The following TNFRSF10D variants were observed in gnomAD, a reference collection of about 807,000 sequenced individuals.
TNFRSF10D encodes the protein tumor necrosis factor receptor superfamily member 10D.
In TNFRSF10D, 28 loss-of-function variants were observed where a neutral mutation model predicts 42.1. The ratio of observed to expected loss-of-function variants is 0.66; its 90% CI spans 0.49 to 0.91. TNFRSF10D has a LOEUF of 0.91. TNFRSF10D is among the 40% of genes least tolerant of loss of function. The pLI is 0.00. For synonymous variants in TNFRSF10D, 186 were observed against 189.4 expected (o/e 0.98, Z 0.15); for missense variants, 503 against 486.1 (o/e 1.03, Z -0.33).
chr8:23,153,834 T>C (rs1800238884), intron 2 of TNFRSF10D, among the ~76,000 whole-genome samples: 1 of 152,046 alleles, frequency 6.6e-6, no homozygotes, highest in South Asian at 2.1e-4. Context: ...AAACAAAACA[T>C]AGAATAACTA....
At chr8:23,155,598 A>G (rs1232376696) in intron 1 of TNFRSF10D, among the ~76,000 whole-genome samples, 1 of 152,038 alleles carries the variant, frequency 6.6e-6, no homozygotes, top group Non-Finnish European at 1.5e-5. Flanking sequence ...GGGCACCTGT[A>G]ACCCCAGCTA....
rs549132054 is a variant in TNFRSF10D, at chr8:23,155,041, G to A, written c.151-62C>T. On this transcript the variant is annotated intron_variant, in intron 1 of 8. Coordinates refer to ENST00000312584, the MANE Select transcript of TNFRSF10D (RefSeq NM_003840.5). ...CCAGACCTTACCTCTCCCAGGCTCC[G>A]TCTCACATTCCCTTCACCCCAAGTG... The A allele has an allele frequency of 1.1e-4, 148 of 1,288,914 alleles. No individual in the cohort carries two copies. The African/African-American group carries it at 1.2e-3, about 11-fold the overall frequency. 79.8% of individuals were successfully genotyped at this position (1,288,914 alleles called of 1,614,324 possible).
At chr8:23,155,989 G>A (rs114176738) in intron 1 of TNFRSF10D, among the ~76,000 whole-genome samples, 887 of 152,034 alleles carry the variant, frequency 5.8e-3, no homozygotes, top group African/African-American at 0.018. Flanking sequence ...ATATCAAAGA[G>A]TGACAGAAAA....
At position 23,144,620 on chromosome 8, in the gene TNFRSF10D, G is replaced by T; in HGVS notation, c.784C>A (p.Arg262Ser). Reference sequence around the variant, plus strand: ...CCAGGAACTCGTGAAGGACATGAACGCCGCCGGAAAAGGACCTTGGGAAGA... The same window carrying T: ...CCAGGAACTCGTGAAGGACATGAACTCCGCCGGAAAAGGACCTTGGGAAGA... ...ERVHRVLFRRRSCPSRVPGAE... is the reference protein window; with the variant it reads ...ERVHRVLFRRSSCPSRVPGAE... Residue 262 changes from arginine (R) to serine (S), a missense_variant, in exon 7 of 9, where the codon CGT (arginine) becomes AGT (serine). Arg to Ser is a moderately radical substitution (Grantham distance 110). Transcript: ENST00000312584. 2 of 1,613,724 alleles carry T rather than the reference G, an allele frequency of 1.2e-6. No individual in the cohort carries two copies. Among genetic ancestry groups the T allele is most frequent in the Non-Finnish European group, 8.5e-7 (1 of 1,179,778 alleles).
chr8:23,145,011 A>T (rs1433878615), intron 6 of TNFRSF10D, 47 bp downstream of exon 6: 1 of 1,613,786 alleles, frequency 6.2e-7, no homozygotes, highest in Non-Finnish European at 8.5e-7. Flanking sequence ...GATGGGAAGC[A>T]GTTCCTGAAC....
Position 23,137,820 on chromosome 8 carries a change from G to T in TNFRSF10D, c.*50C>A, listed in dbSNP as rs1814361741. On this transcript the variant is annotated 3_prime_UTR_variant, in exon 9 of 9. Coordinates refer to ENST00000312584, the MANE Select transcript of TNFRSF10D (RefSeq NM_003840.5). ...TGTTTCTTCCAGGCTGCTTCCCTTT[G>T]TAGGAGAAAAGGTAAATGAGGGAAG... The T allele has an allele frequency of 6.3e-7, 1 of 1,580,854 alleles. No homozygotes were observed. Among genetic ancestry groups the T allele is most frequent in the African/African-American group, 1.4e-5 (1 of 73,684 alleles).
At chr8:23,141,094 C>T (rs1268537167) in intron 7 of TNFRSF10D, among the ~76,000 whole-genome samples, 2 of 152,204 alleles carry the variant, frequency 1.3e-5, no homozygotes, top group African/African-American at 4.8e-5. Flanking sequence ...AGAAAACACC[C>T]CTCTGGACAT....
At chr8:23,158,145 TC>T (rs527358419) in intron 1 of TNFRSF10D, among the ~76,000 whole-genome samples, 81 of 150,416 alleles carry the variant, frequency 5.4e-4, no homozygotes, top group African/African-American at 1.9e-3. Flanking sequence ...TTCCGTTCCT[TC>T]CTTTCCTTCC....
intron 1 of TNFRSF10D, among the ~76,000 whole-genome samples, chr8:23,162,910 A>C (rs1218330397): frequency 6.6e-6 from 1 of 151,306 alleles, no homozygotes; most frequent in Non-Finnish European, 1.5e-5. Flanking sequence ...CATAGGGTTA[A>C]TTTTGTTTGT....
At chr8:23,142,049 A>T (rs1285099191) in intron 7 of TNFRSF10D, among the ~76,000 whole-genome samples, 1 of 152,190 alleles carries the variant, frequency 6.6e-6, no homozygotes, top group Non-Finnish European at 1.5e-5. Context: ...AGGTGGATGG[A>T]TCACGAGGTC....
chr8:23,153,484 A>C (rs1485102149), intron 2 of TNFRSF10D, among the ~76,000 whole-genome samples: 1 of 152,242 alleles, frequency 6.6e-6, no homozygotes, highest in Non-Finnish European at 1.5e-5. Context: ...TTTGGTTAAC[A>C]TCCAAAATAC....
chr8:23,148,972 C>T (rs560774505), intron 2 of TNFRSF10D, among the ~76,000 whole-genome samples: 8 of 151,624 alleles, frequency 5.3e-5, no homozygotes, highest in East Asian at 3.9e-4. Context: ...GGACGAATCA[C>T]GAGGTCAGGA....
chr8:23,144,886 G>A (rs1800092191), intron 6 of TNFRSF10D, among the ~76,000 whole-genome samples, 172 bp downstream of exon 6: 1 of 152,184 alleles, frequency 6.6e-6, no homozygotes, highest in South Asian at 2.1e-4. Context: ...GCTGGTCTGT[G>A]TGCTGCTCAA....
intron 7 of TNFRSF10D, among the ~76,000 whole-genome samples, chr8:23,142,310 A>G (rs867192012): frequency 4.6e-5 from 7 of 152,032 alleles, no homozygotes; most frequent in Non-Finnish European, 8.8e-5. Flanking sequence ...ACCAAAAGAC[A>G]CCACTATCCA....
intron 1 of TNFRSF10D, among the ~76,000 whole-genome samples, chr8:23,159,437 G>A (rs1000636931): frequency 2.0e-5 from 3 of 152,212 alleles, no homozygotes; most frequent in Admixed American, 6.5e-5. Context: ...TGCAGACCTT[G>A]TTAGAACAGA....
chr8:23,159,827 C>T (rs1006343452), intron 1 of TNFRSF10D, among the ~76,000 whole-genome samples: 2 of 152,096 alleles, frequency 1.3e-5, no homozygotes, highest in African/African-American at 4.8e-5. Flanking sequence ...TGCACCACTG[C>T]ACTCCAGCCT....
In TNFRSF10D at chr8:23,144,520, A is replaced by G. The variant is rs1800082533; in HGVS notation, c.884T>C (p.Ile295Thr). 1 of 1,613,968 alleles carries G rather than the reference A, an allele frequency of 6.2e-7. No homozygotes were observed. ...TAGCTCTGCCAGCTCCTGACCTTGGATTTCCTGCTCAGAGACCTGGGTGGG... is the reference window on the plus strand; with the variant it reads ...TAGCTCTGCCAGCTCCTGACCTTGGGTTTCCTGCTCAGAGACCTGGGTGGG... ...LQPTQVSEQE[I>T]QGQELAELTG... Residue 295 changes from isoleucine (I) to threonine (T), a missense_variant, in exon 7 of 9, where the codon ATC (isoleucine) becomes ACC (threonine). Coordinates refer to ENST00000312584, the MANE Select transcript of TNFRSF10D (RefSeq NM_003840.5).
intron 7 of TNFRSF10D, among the ~76,000 whole-genome samples, chr8:23,139,435 A>G (rs559694605): frequency 6.6e-6 from 1 of 152,220 alleles, no homozygotes; most frequent in Non-Finnish European, 1.5e-5. Flanking sequence ...TCTAAATTTT[A>G]TCTGGGTAAA....
intron 5 of TNFRSF10D, among the ~76,000 whole-genome samples, 179 bp from the exon 6 acceptor site, chr8:23,145,268 G>A (rs548454214): frequency 6.6e-6 from 1 of 152,302 alleles, no homozygotes; most frequent in African/African-American, 2.4e-5. Context: ...GATGAGAAGG[G>A]GAACTAGAGT....
Sources: gnomAD v4.1 joint callset for allele counts (sites outside exome capture counted in the v4.1 genomes callset) on GRCh38, gnomAD v4.1.1 for gene constraint, MANE v1.5 for transcripts, NCBI Gene and HGNC (gene_info 2026-07-23, HGNC 2026-07-21) for gene names.